ZNF721: variants seen among roughly 807,000 people sequenced by gnomAD.
ZNF721 encodes zinc finger protein 721.
In ZNF721, 2 loss-of-function variants were observed where a neutral mutation model predicts 2.4. The ratio of observed to expected loss-of-function variants is 0.82; its 90% CI spans 0.34 to 2.58. The LOEUF (loss-of-function observed/expected upper bound fraction) is 2.58, where lower values mean the gene tolerates loss of function less well. Ranked by LOEUF, ZNF721 falls within the 30% of genes most tolerant of loss-of-function variation. The probability of loss-of-function intolerance (pLI) is 0.11; values close to 1 mark genes in which losing one functional copy is unlikely to be tolerated. For synonymous variants in ZNF721, 398 were observed against 381.8 expected, an observed-to-expected ratio of 1.04 and a Z score of -0.50; for missense variants, 1,187 against 1,085.5, an observed-to-expected ratio of 1.09 and a Z score of -1.31.
In ZNF721 at chr4:499,049, C is replaced by G; in HGVS notation, c.-94+7G>C. Reference sequence around the variant, plus strand: ...TTCCAAATTAAAAACTTTTTAAAACCTCGTACCTCGCCGTGGGCGGCGACC... The same window carrying G: ...TTCCAAATTAAAAACTTTTTAAAACGTCGTACCTCGCCGTGGGCGGCGACC... On this transcript the variant is annotated splice_region_variant and intron_variant, in intron 1 of 2. Transcript: ENST00000511833. 1 of 506,254 alleles carries G rather than the reference C, an allele frequency of 2.0e-6. No homozygotes were observed. The highest frequency in any genetic ancestry group is 3.5e-6 in the Non-Finnish European group (1 of 286,954). The allele number at this position is 506,254 out of a possible 1,614,324, so 31.4% of individuals were successfully genotyped here.
At chr4:473,976 C>T (rs1553868165) in intron 1 of ZNF721, 1 of 1,507,600 alleles carries the variant, frequency 6.6e-7, no homozygotes, top group South Asian at 1.1e-5. Context: ...GCCCCGCACA[C>T]TCACCATTTC....
chr4:457,351 G>T (rs1276414996), intron 2 of ZNF721, among the ~76,000 whole-genome samples: 1 of 152,124 alleles, frequency 6.6e-6, no homozygotes, highest in Non-Finnish European at 1.5e-5. Context: ...CCATGTCAAG[G>T]GTTGTGAACC....
chr4:441,798 T>C lies in ZNF721; in HGVS notation c.2669A>G (p.Glu890Gly), dbSNP rs782445115. 7.4e-6 allele frequency: 12 copies of C among 1,613,830 alleles called. No homozygotes were observed. The highest frequency in any genetic ancestry group is 1.7e-5 in the Admixed American group (1 of 59,996). The change falls in exon 3 of 3, where the codon GAG becomes GGG. Residue 890 changes from glutamate to glycine, a missense_variant. Transcript: ENST00000511833. Reference sequence around the variant, plus strand: ...ACAGTCTCCACACGTGTAGGGTTTCTCTCCAGTATGAATTTTCTTATGCGC... The same window carrying C: ...ACAGTCTCCACACGTGTAGGGTTTCCCTCCAGTATGAATTTTCTTATGCGC... ...LYAHKKIHTG[E>G]KPYTCGDCGK...
In ZNF721 at chr4:459,484, A is replaced by G. The variant is rs369946751; in HGVS notation, c.34+13091T>C. Among the ~76,000 whole-genome samples the G allele has an allele frequency of 7.2e-3, 1,092 of 152,128 alleles. 10 individuals carry two copies. The highest frequency in any genetic ancestry group is 0.071 in the Middle Eastern group (21 of 294). ...GCAAATGGAAAGCAAAAAAAAAAGC[A>G]GCAGTTGCAATCCTAGTCTCTGATA... On this transcript the variant is annotated intron_variant, in intron 2 of 2. Coordinates refer to ENST00000511833, the MANE Select transcript of ZNF721 (RefSeq NM_133474.4).
chr4:488,800 G>A (rs61793731), intron 1 of ZNF721, among the ~76,000 whole-genome samples: 35,739 of 151,714 alleles, frequency 0.24, 4,379 homozygotes, highest in Middle Eastern at 0.32. Context: ...ACTGCATTCC[G>A]GCCTGGCAAC....
rs781843177 is a variant in ZNF721, at chr4:441,790, A to G, written c.2677T>C (p.Tyr893His). The stretch of plus-strand genomic sequence containing the variant: ...GTTTTGCCACAGTCTCCACACGTGT[A>G]GGGTTTCTCTCCAGTATGAATTTTC... ...HKKIHTGEKP[Y>H]TCGDCGKTFR... Residue 893 changes from tyrosine to histidine, a missense_variant, in exon 3 of 3, where the codon TAC becomes CAC. By Grantham distance (83) the Tyr-to-His change is moderately conservative. Transcript: ENST00000511833. 9 of 1,613,418 alleles carry G rather than the reference A, an allele frequency of 5.6e-6. No individual in the cohort carries two copies. Among genetic ancestry groups the G allele is most frequent in the Non-Finnish European group, 5.9e-6 (7 of 1,179,848 alleles).
intron 2 of ZNF721, among the ~76,000 whole-genome samples, chr4:457,009 A>T (rs928485743): frequency 6.6e-6 from 1 of 152,230 alleles, no homozygotes; most frequent in Non-Finnish European, 1.5e-5. Context: ...TGTATCATAA[A>T]AACAATCCTT....
intron 1 of ZNF721, among the ~76,000 whole-genome samples, chr4:482,655 C>A (rs1279875047): frequency 6.6e-6 from 1 of 151,820 alleles, no homozygotes. Flanking sequence ...CGCCACCATG[C>A]CCAGCTAATT....
At position 467,604 on chromosome 4, in the gene ZNF721, A is replaced by G. The variant is rs562237816; in HGVS notation, c.34+4971T>C. Among the ~76,000 whole-genome samples the G allele has an allele frequency of 8.5e-5, 13 of 152,354 alleles. No homozygotes were observed. In the East Asian group the frequency reaches 2.5e-3, roughly 29 times the overall value. ...CTACAGACAAGAAAATGGTGCATGC[A>G]GCTTGGTCTTACTGAGGATTATGAA... On this transcript the variant is annotated intron_variant, in intron 2 of 2. Transcript: ENST00000511833.
In ZNF721 at chr4:474,237, G is replaced by C. The variant is rs902766404; in HGVS notation, c.-93-1536C>G. The C allele has an allele frequency of 7.2e-5, 27 of 375,404 alleles. No individual in the cohort carries two copies. In the East Asian group the frequency reaches 1.8e-3, roughly 25 times the overall value. The allele number at this position is 375,404 out of a possible 1,614,324, so 23.3% of individuals were successfully genotyped here. On this transcript the variant is annotated intron_variant, in intron 1 of 2. Transcript: ENST00000511833. ...TCAGTCAAGCGCTCTGATTGGATAT[G>C]GGTCCAGGCTTCACGCCCTCAGGCT...
intron 1 of ZNF721, chr4:474,132 G>A (rs559821559): frequency 7.0e-6 from 7 of 1,007,014 alleles, no homozygotes; most frequent in African/African-American, 4.9e-5. Context: ...CCGAGCTCAG[G>A]CTGAAGCAAC....
Position 442,156 on chromosome 4 carries a change from G to A in ZNF721, c.2311C>T (p.His771Tyr), listed in dbSNP as rs372133028. 3.0e-5 allele frequency: 48 copies of A among 1,613,194 alleles called. 1 individual carries two copies. In the South Asian group the frequency reaches 5.2e-4, roughly 17 times the overall value. ...TTCTTTCCAGTATGAATTTTCTCAT[G>A]TCTATTCAGGTGTGAGGACTGTTTA... is the stretch of plus-strand genomic sequence containing the variant. ...VFKQSSHLNR[H>Y]EKIHTGKKPY... is the part of the protein sequence containing the mutation. The change falls in exon 3 of 3, where the codon CAT becomes TAT. Residue 771 changes from histidine to tyrosine, a missense_variant. His to Tyr is a moderately conservative substitution (Grantham distance 83). Coordinates refer to ENST00000511833, the MANE Select transcript of ZNF721 (RefSeq NM_133474.4).
intron 2 of ZNF721, among the ~76,000 whole-genome samples, chr4:466,377 C>T (rs1280765938): frequency 6.6e-6 from 1 of 152,128 alleles, no homozygotes; most frequent in African/African-American, 2.4e-5. Context: ...ATCAAACTCC[C>T]CAGGCTCTCC....
chr4:444,374 G>A lies in ZNF721; in HGVS notation c.93C>T (p.Phe31=). The change falls in exon 3 of 3, where the codon TTC becomes TTT. Residue 31 remains phenylalanine, a synonymous_variant. Coordinates refer to ENST00000511833, the MANE Select transcript of ZNF721 (RefSeq NM_133474.4). ...CATATCTTCTCAGTATAAGTTTGTG[G>A]AATGAATCTTCTATCCCCTGCACTG... ...FLPVQGIEDS[F]HKLILRRYEK... 6.2e-7 allele frequency: 1 copy of A among 1,612,426 alleles called. No individual in the cohort carries two copies. Among genetic ancestry groups the A allele is most frequent in the Non-Finnish European group, 8.5e-7 (1 of 1,179,344 alleles).
intron 1 of ZNF721, among the ~76,000 whole-genome samples, chr4:496,152 G>T (rs1271482449): frequency 7.7e-6 from 1 of 129,106 alleles, no homozygotes; most frequent in East Asian, 2.1e-4. Flanking sequence ...TTTTTTGTGT[G>T]TGGGGGGTAG....
At chr4:488,885 A>C (rs1303885624) in intron 1 of ZNF721, among the ~76,000 whole-genome samples, 4 of 152,100 alleles carry the variant, frequency 2.6e-5, no homozygotes, top group Non-Finnish European at 4.4e-5. Flanking sequence ...CTGAGAGAGG[A>C]GGCAGTCAGA....
chr4:489,250 GA>G (rs1260609990), intron 1 of ZNF721, among the ~76,000 whole-genome samples: 1 of 152,066 alleles, frequency 6.6e-6, no homozygotes, highest in East Asian at 1.9e-4. Flanking sequence ...GGGAGAAATT[GA>G]CCCCTCCCAT....
chr4:471,011 AAAG>A (rs1366530877), intron 2 of ZNF721, among the ~76,000 whole-genome samples: 5 of 152,058 alleles, frequency 3.3e-5, no homozygotes, highest in Non-Finnish European at 7.4e-5. Flanking sequence ...AAAAAAAAAA[AAAG>A]AAGTTAATAT....
chr4:495,094 A>T (rs1716116156), intron 1 of ZNF721, among the ~76,000 whole-genome samples: 1 of 151,728 alleles, frequency 6.6e-6, no homozygotes, highest in Non-Finnish European at 1.5e-5. Flanking sequence ...GTGTTAGCCA[A>T]GATGGTCTCG....
Sources: allele counts gnomAD v4.1 joint callset (sites outside exome capture counted in the v4.1 genomes callset), GRCh38; gene constraint gnomAD v4.1.1; transcripts MANE v1.5; gene names NCBI Gene and HGNC (gene_info 2026-07-23, HGNC 2026-07-21).